BDKRB2: variants seen among roughly 807,000 people sequenced by gnomAD.
BDKRB2 encodes the protein B2 bradykinin receptor.
BDKRB2 carries 6 observed loss-of-function variants against 4.0 expected under a neutral mutation model. The observed-to-expected ratio is 1.49, with a 90% CI of 0.81 to 2.93. The LOEUF (loss-of-function observed/expected upper bound fraction) is 2.93. Ranked by LOEUF, BDKRB2 falls within the 30% of genes most tolerant of loss-of-function variation. The pLI, the probability that BDKRB2 is intolerant of heterozygous loss-of-function variation, is 0.00. For synonymous variants in BDKRB2, 225 were observed against 215.3 expected (o/e 1.05, Z -0.40); for missense variants, 478 against 520.1 (o/e 0.92, Z 0.79).
At position 96,243,974 on chromosome 14, in the gene BDKRB2, A is replaced by T; in HGVS notation, c.*2470A>T. On this transcript the variant is annotated 3_prime_UTR_variant, in exon 3 of 3. Coordinates refer to ENST00000554311, the MANE Select transcript of BDKRB2 (RefSeq NM_001379692.1). Reference sequence around the variant, plus strand: ...CATGTGGGGATCCACACCTGGTCTGAGGGGCAACTGAGTCTGCGGGAGAAG... The same window carrying T: ...CATGTGGGGATCCACACCTGGTCTGTGGGGCAACTGAGTCTGCGGGAGAAG... 1 of 386,140 alleles carries T rather than the reference A, an allele frequency of 2.6e-6. No homozygotes were observed. The highest frequency in any genetic ancestry group is 4.6e-6 in the Non-Finnish European group (1 of 218,796). The allele number at this position is 386,140 out of a possible 1,614,324, so 23.9% of individuals were successfully genotyped here.
rs1043378552 is a variant in BDKRB2, at chr14:96,241,206, A to G, written c.878A>G (p.Asp293Gly). The change falls in exon 3 of 3, where the codon GAT becomes GGT. Residue 293 changes from aspartate (D) to glycine (G), a missense_variant. Transcript: ENST00000554311. ...CCCTTCCAGATCAGCACCTTCCTGG[A>G]TACGCTGCATCGCCTCGGCATCCTC... ...WLPFQISTFL[D>G]TLHRLGILSS... 6.2e-7 allele frequency: 1 copy of G among 1,608,788 alleles called. No individual in the cohort carries two copies.
chr14:96,230,932 TA>T (rs200845089), intron 1 of BDKRB2, among the ~76,000 whole-genome samples: 27 of 150,782 alleles, frequency 1.8e-4, no homozygotes, highest in South Asian at 1.7e-3. Context: ...TTTATTTATT[TA>T]TTTTTTTTTT....
At chr14:96,230,080 G>A (rs1489965934) in intron 1 of BDKRB2, among the ~76,000 whole-genome samples, 1 of 151,794 alleles carries the variant, frequency 6.6e-6, no homozygotes, top group Non-Finnish European at 1.5e-5. Context: ...CTTGCAGTGA[G>A]CCGAGATCAT....
At chr14:96,216,982 C>G (rs911474566) in intron 1 of BDKRB2, among the ~76,000 whole-genome samples, 4 of 152,154 alleles carry the variant, frequency 2.6e-5, no homozygotes, top group Non-Finnish European at 5.9e-5. Context: ...ATACATAGCC[C>G]TAGGGCTTAA....
intron 1 of BDKRB2, among the ~76,000 whole-genome samples, chr14:96,229,862 C>T (rs1382361603): frequency 6.6e-6 from 1 of 152,136 alleles, no homozygotes; most frequent in Non-Finnish European, 1.5e-5. Flanking sequence ...GGATTGGTGG[C>T]TCACGCCTGT....
At chr14:96,231,207 C>A (rs1384619645) in intron 1 of BDKRB2, among the ~76,000 whole-genome samples, 1 of 152,210 alleles carries the variant, frequency 6.6e-6, no homozygotes, top group Non-Finnish European at 1.5e-5. Flanking sequence ...TCTCCAGGCT[C>A]CCTCATGTCC....
At chr14:96,237,021 C>A (rs1019407608) in intron 1 of BDKRB2, 48 bp from the exon 2 acceptor site, 1 of 1,144,208 alleles carries the variant, frequency 8.7e-7, no homozygotes, top group Non-Finnish European at 1.3e-6. Context: ...GTGTATTTTG[C>A]AATCCCCAGC....
rs138815068 is a variant in BDKRB2 at position 96,236,403 on chromosome 14, A to G, written c.-39-666A>G. 7.2e-4 allele frequency among the ~76,000 whole-genome samples: 110 copies of G among 152,188 alleles called. 1 individual carries two copies. The highest frequency in any genetic ancestry group is 2.5e-3 in the African/African-American group (104 of 41,524). On this transcript the variant is annotated intron_variant, in intron 1 of 2. Coordinates refer to ENST00000554311, the MANE Select transcript of BDKRB2 (RefSeq NM_001379692.1). Reference sequence around the variant, plus strand: ...CCAGCCTTTAACAGTTCCAGTCTAAACACATGACCTTTCTCCTCTAAATCA... The same window carrying G: ...CCAGCCTTTAACAGTTCCAGTCTAAGCACATGACCTTTCTCCTCTAAATCA...
chr14:96,209,339 A>G (rs1890253861), intron 1 of BDKRB2, among the ~76,000 whole-genome samples: 1 of 152,238 alleles, frequency 6.6e-6, no homozygotes. Context: ...CCGAAGAGTC[A>G]TGAGACTTAG....
intron 2 of BDKRB2, chr14:96,237,727 G>T (rs2139797012): frequency 7.8e-7 from 1 of 1,289,626 alleles, no homozygotes; most frequent in Non-Finnish European, 1.0e-6. Flanking sequence ...TGCTGCCTAT[G>T]ATGAAGATGA....
intron 2 of BDKRB2, 180 bp from the exon 3 acceptor site, chr14:96,240,223 T>G: frequency 7.7e-7 from 1 of 1,304,328 alleles, no homozygotes; most frequent in Non-Finnish European, 9.7e-7. Flanking sequence ...CAGAGGGGGC[T>G]CTGTAAGACC....
chr14:96,240,993 T>C lies in BDKRB2; in HGVS notation c.665T>C (p.Val222Ala), dbSNP rs1019206771. The C allele has an allele frequency of 1.9e-6, 3 of 1,599,964 alleles. No individual in the cohort carries two copies. The highest frequency in any genetic ancestry group is 2.6e-6 in the Non-Finnish European group (3 of 1,170,258). ...VISYPSLIWEVFTNMLLNVVG... is the reference protein window; with the variant it reads ...VISYPSLIWEAFTNMLLNVVG... ...AGCTACCCATCCCTCATCTGGGAAG[T>C]GTTCACCAACATGCTCCTGAATGTC... Residue 222 changes from valine to alanine, a missense_variant, in exon 3 of 3, where the codon GTG (valine) becomes GCG (alanine). Coordinates refer to ENST00000554311, the MANE Select transcript of BDKRB2 (RefSeq NM_001379692.1).
At chr14:96,232,958 C>CT in intron 1 of BDKRB2, among the ~76,000 whole-genome samples, 1 of 152,196 alleles carries the variant, frequency 6.6e-6, no homozygotes, top group South Asian at 2.1e-4. Flanking sequence ...GAAAAGTGAA[C>CT]AAATTAATTT....
At chr14:96,222,705 G>A (rs1223591731) in intron 1 of BDKRB2, among the ~76,000 whole-genome samples, 6 of 151,222 alleles carry the variant, frequency 4.0e-5, no homozygotes, top group Middle Eastern at 3.4e-3. Flanking sequence ...CTTGAAAGGT[G>A]GCTGCTTCAA....
At chr14:96,209,128 G>C (rs1386972655) in intron 1 of BDKRB2, among the ~76,000 whole-genome samples, 1 of 151,736 alleles carries the variant, frequency 6.6e-6, no homozygotes, top group Non-Finnish European at 1.5e-5. Context: ...CTGGAGACTG[G>C]TCACCCACGC....
intron 1 of BDKRB2, among the ~76,000 whole-genome samples, chr14:96,222,309 G>A (rs1184878692): frequency 2.0e-5 from 3 of 152,058 alleles, no homozygotes; most frequent in African/African-American, 7.3e-5. Flanking sequence ...TCCCAATCCT[G>A]TCTTTTAGGG....
At chr14:96,213,940 C>G (rs563217019) in intron 1 of BDKRB2, among the ~76,000 whole-genome samples, 1 of 152,128 alleles carries the variant, frequency 6.6e-6, no homozygotes, top group Non-Finnish European at 1.5e-5. Context: ...AAGCAAAGGT[C>G]GAGAGGTGGG....
intron 2 of BDKRB2, chr14:96,238,503 T>A (rs1325364603): frequency 1.0e-6 from 1 of 985,474 alleles, no homozygotes; most frequent in African/African-American, 1.7e-5. Flanking sequence ...GCATACTTCT[T>A]ATACCATCAC....
chr14:96,241,597 G>T lies in BDKRB2; in HGVS notation c.*93G>T, dbSNP rs1885295264. On this transcript the variant is annotated 3_prime_UTR_variant, in exon 3 of 3. Transcript: ENST00000554311. ...CCAGGAATGCCAAGGAGACATCTAT[G>T]CACGACCTTGGGAAATGAGTTGATG... 1.4e-6 allele frequency: 2 copies of T among 1,456,972 alleles called. No homozygotes were observed. Among genetic ancestry groups the T allele is most frequent in the Admixed American group, 5.4e-5 (2 of 37,100 alleles). 90.3% of individuals were successfully genotyped at this position (1,456,972 alleles called of 1,614,324 possible).
Sources: allele counts gnomAD v4.1 joint callset (sites outside exome capture counted in the v4.1 genomes callset), GRCh38; gene constraint gnomAD v4.1.1; transcripts MANE v1.5; gene names NCBI Gene and HGNC (gene_info 2026-07-23, HGNC 2026-07-21).